Variants in MTUS2 observed in about 807,000 individuals in gnomAD.
MTUS2 encodes the protein microtubule associated scaffold protein 2, also known as microtubule-associated tumor suppressor candidate 2.
In MTUS2, 40 loss-of-function variants were observed where a neutral mutation model predicts 114.1. That is an observed-to-expected ratio of 0.35 (90% CI 0.27 to 0.46). The LOEUF is 0.46. MTUS2 is among the 20% of genes least tolerant of loss of function. MTUS2 has a pLI of 1.00. For missense variants in MTUS2, 1,679 were observed against 1,705.4 expected, an observed-to-expected ratio of 0.98 and a Z score of 0.27; for synonymous variants, 688 against 672.0, an observed-to-expected ratio of 1.02 and a Z score of -0.37.
chr13:29,204,898 C>A (rs773522523), intron 5 of MTUS2, among the ~76,000 whole-genome samples: 1 of 152,170 alleles, frequency 6.6e-6, no homozygotes, highest in Admixed American at 6.5e-5. Context: ...CTCGCCAAAT[C>A]GGGGACATCA....
At chr13:29,056,369 T>A (rs1351344480) in intron 4 of MTUS2, among the ~76,000 whole-genome samples, 1 of 152,000 alleles carries the variant, frequency 6.6e-6, no homozygotes, top group Non-Finnish European at 1.5e-5. Flanking sequence ...TTTTGTTGAC[T>A]TTGTTTTTCC....
chr13:28,927,114 A>G (rs1365068988), intron 2 of MTUS2, among the ~76,000 whole-genome samples: 1 of 152,194 alleles, frequency 6.6e-6, no homozygotes, highest in African/African-American at 2.4e-5. Flanking sequence ...ATTTTCTTCT[A>G]CTTAAACGTA....
rs1237480354 is a variant in MTUS2 at position 29,218,151 on chromosome 13, A to G, written c.2645-63553A>G. On this transcript the variant is annotated intron_variant, in intron 5 of 15. Coordinates refer to ENST00000612955, the MANE Select transcript of MTUS2 (RefSeq NM_001033602.4). ...AAACCAAACCAAAACAAAACAAAACAAAAAAAAAACACCTAAAAACCCCAG... is the reference window on the plus strand; with the variant it reads ...AAACCAAACCAAAACAAAACAAAACGAAAAAAAAACACCTAAAAACCCCAG... Among the ~76,000 whole-genome samples, 7 of 147,506 alleles carry G rather than the reference A, an allele frequency of 4.7e-5. No homozygotes were observed. The East Asian group carries it at 1.4e-3, about 29-fold the overall frequency.
At chr13:29,487,655 A>T in intron 10 of MTUS2, 1 of 537,210 alleles carries the variant, frequency 1.9e-6, no homozygotes, top group Non-Finnish European at 3.4e-6. Context: ...GACTCTAAAG[A>T]GGTACCTCAG....
chr13:29,189,412 C>T (rs1404933135), intron 5 of MTUS2, among the ~76,000 whole-genome samples: 2 of 152,094 alleles, frequency 1.3e-5, no homozygotes, highest in Admixed American at 6.5e-5. Context: ...ATTCTTACAA[C>T]AGCTCTTCGT....
intron 5 of MTUS2, among the ~76,000 whole-genome samples, chr13:29,125,784 A>G (rs920433848): frequency 1.3e-5 from 2 of 152,210 alleles, no homozygotes; most frequent in African/African-American, 4.8e-5. Context: ...TTTTGGTTAA[A>G]CTTAGCAAAC....
chr13:28,947,102 A>T (rs1882571894), intron 2 of MTUS2, among the ~76,000 whole-genome samples: 1 of 152,182 alleles, frequency 6.6e-6, no homozygotes, highest in Non-Finnish European at 1.5e-5. Flanking sequence ...ATTGTGGTTG[A>T]GTTCACTCTC....
At chr13:29,063,169 C>T (rs994032925) in intron 4 of MTUS2, among the ~76,000 whole-genome samples, 2 of 152,218 alleles carry the variant, frequency 1.3e-5, no homozygotes, top group Admixed American at 1.3e-4. Context: ...CTTTTCTACA[C>T]TGCCTTTTTA....
intron 4 of MTUS2, among the ~76,000 whole-genome samples, chr13:29,100,384 A>G (rs1426295281): frequency 6.6e-6 from 1 of 152,246 alleles, no homozygotes; most frequent in Non-Finnish European, 1.5e-5. Flanking sequence ...ATTGTATGTC[A>G]AAATTTAAGG....
intron 4 of MTUS2, among the ~76,000 whole-genome samples, chr13:29,080,792 C>T (rs1593454626): frequency 6.6e-6 from 1 of 152,170 alleles, no homozygotes; most frequent in African/African-American, 2.4e-5. Flanking sequence ...ATGTCACAAT[C>T]TCAGCTCACT....
At chr13:28,842,390 A>T (rs1875571232) in intron 2 of MTUS2, among the ~76,000 whole-genome samples, 1 of 152,186 alleles carries the variant, frequency 6.6e-6, no homozygotes, top group Non-Finnish European at 1.5e-5. Context: ...TTTGGATCTG[A>T]TGTTTGGCAG....
chr13:29,286,076 C>A (rs563415225), intron 6 of MTUS2, among the ~76,000 whole-genome samples: 19 of 152,260 alleles, frequency 1.2e-4, no homozygotes, highest in African/African-American at 4.3e-4. Context: ...CAGATGCGTG[C>A]CACCATGCCT....
chr13:29,168,902 G>GTGTGTGTGTGTGTGTGTGTGTA (rs1193472841), intron 5 of MTUS2, among the ~76,000 whole-genome samples: 1 of 151,656 alleles, frequency 6.6e-6, no homozygotes, highest in African/African-American at 2.4e-5. Flanking sequence ...GTGTGTGTGT[G>GTGTGTGTGTGTGTGTGTGTGTA]TGTGTGTGTG....
At chr13:29,258,432 C>T (rs1180388406) in intron 5 of MTUS2, among the ~76,000 whole-genome samples, 2 of 152,186 alleles carry the variant, frequency 1.3e-5, no homozygotes, top group Non-Finnish European at 2.9e-5. Context: ...AGGTCATCTC[C>T]CATTCTTAAA....
At chr13:28,897,085 C>G (rs887574915) in intron 2 of MTUS2, among the ~76,000 whole-genome samples, 11 of 152,286 alleles carry the variant, frequency 7.2e-5, no homozygotes, top group African/African-American at 2.6e-4. Context: ...TTCTGCACAG[C>G]AAAAGAAACT....
At chr13:29,279,038 G>C (rs1253197348) in intron 5 of MTUS2, among the ~76,000 whole-genome samples, 1 of 152,082 alleles carries the variant, frequency 6.6e-6, no homozygotes, top group Non-Finnish European at 1.5e-5. Flanking sequence ...AACACATAGA[G>C]CATACTATAT....
chr13:28,866,390 G>A (rs1877300856), intron 2 of MTUS2, among the ~76,000 whole-genome samples: 1 of 152,134 alleles, frequency 6.6e-6, no homozygotes, highest in South Asian at 2.1e-4. Context: ...GCTTATACAG[G>A]TGTCCACGGA....
intron 4 of MTUS2, among the ~76,000 whole-genome samples, chr13:29,060,543 C>CTTTTTTTTT (rs1162860492): frequency 3.0e-5 from 3 of 101,202 alleles, no homozygotes; most frequent in South Asian, 4.1e-4. Flanking sequence ...CCTAGCCCTT[C>CTTTTTTTTT]TTTTTTTTTT....
intron 7 of MTUS2, among the ~76,000 whole-genome samples, chr13:29,332,965 G>A (rs541244525): frequency 1.3e-5 from 2 of 152,092 alleles, no homozygotes; most frequent in African/African-American, 4.8e-5. Flanking sequence ...TGATGTTAGA[G>A]TGTCGATTTT....
Sources: allele counts gnomAD v4.1 joint callset (sites outside exome capture counted in the v4.1 genomes callset), GRCh38; gene constraint gnomAD v4.1.1; transcripts MANE v1.5; gene names NCBI Gene and HGNC (gene_info 2026-07-23, HGNC 2026-07-21).